TTC17: variants seen among roughly 807,000 people sequenced by gnomAD.
TTC17 encodes tetratricopeptide repeat domain 17.
In TTC17, 58 loss-of-function variants were observed where a neutral mutation model predicts 143.8. That is an observed-to-expected ratio of 0.40 (90% confidence interval 0.33 to 0.50). The LOEUF (loss-of-function observed/expected upper bound fraction) is 0.50, where lower values mean the gene tolerates loss of function less well. TTC17 is among the 20% of genes least tolerant of loss of function. The probability of loss-of-function intolerance (pLI) is 0.49; values close to 1 mark genes in which losing one functional copy is unlikely to be tolerated. For synonymous variants in TTC17, 501 were observed against 497.8 expected (o/e 1.01, Z -0.09); for missense variants, 1,273 against 1,392.5 (o/e 0.91, Z 1.37).
At chr11:43,406,692 A>T (rs1429570616) in intron 13 of TTC17, among the ~76,000 whole-genome samples, 1 of 152,224 alleles carries the variant, frequency 6.6e-6, no homozygotes, top group Admixed American at 6.5e-5. Context: ...ACAAAAAGAT[A>T]AACAGACCAT....
At chr11:43,375,418 G>A (rs758569770) in intron 1 of TTC17, among the ~76,000 whole-genome samples, 9 of 152,074 alleles carry the variant, frequency 5.9e-5, no homozygotes, top group Admixed American at 2.0e-4. Context: ...AAATCTTGGC[G>A]ACTTTGAAGA....
intron 21 of TTC17, among the ~76,000 whole-genome samples, chr11:43,464,270 A>G (rs540324535): frequency 6.7e-6 from 1 of 149,782 alleles, no homozygotes; most frequent in South Asian, 2.1e-4. Flanking sequence ...ATAGAGTGAG[A>G]CTCCATCTCA....
chr11:43,391,003 T>C (rs1041032407), intron 3 of TTC17, among the ~76,000 whole-genome samples: 4 of 152,222 alleles, frequency 2.6e-5, no homozygotes, highest in African/African-American at 9.6e-5. Flanking sequence ...ACTCCCAAAA[T>C]GTTTGACTCT....
chr11:43,389,125 C>G (rs1384069918), intron 2 of TTC17, among the ~76,000 whole-genome samples: 2 of 140,360 alleles, frequency 1.4e-5, no homozygotes, highest in Non-Finnish European at 3.1e-5. Flanking sequence ...TGGGTGACAG[C>G]AAGACACTGT....
intron 1 of TTC17, among the ~76,000 whole-genome samples, chr11:43,364,131 A>C (rs1856237003): frequency 7.4e-6 from 1 of 134,586 alleles, no homozygotes; most frequent in Admixed American, 9.3e-5. Flanking sequence ...ATTCTGGCTC[A>C]CTGCAACCTC....
Position 43,358,964 on chromosome 11 carries a change from G to C in TTC17, c.10G>C (p.Ala4Pro). 1 of 1,575,982 alleles carries C rather than the reference G, an allele frequency of 6.3e-7. No individual in the cohort carries two copies. The highest frequency in any genetic ancestry group is 8.6e-7 in the Non-Finnish European group (1 of 1,162,006). MAA[A>P]VGVRGRYELP... ...CGGCCGGGGGGGCAAGATGGCGGCG[G>C]CAGTAGGGGTTCGTGGCCGGTACGA... Residue 4 changes from alanine (A) to proline (P), a missense_variant, in exon 1 of 24, where the codon GCA (alanine) becomes CCA (proline). Physicochemically the swap from Ala to Pro is conservative, Grantham distance 27. Transcript: ENST00000039989.
At chr11:43,436,396 A>T in intron 16 of TTC17, 1 of 1,217,580 alleles carries the variant, frequency 8.2e-7, no homozygotes. Flanking sequence ...CTTTAAGCTT[A>T]GGCTTTTCTC....
rs555583570 is a variant in TTC17, at chr11:43,371,963, T to C, written c.160-7270T>C. On this transcript the variant is annotated intron_variant, in intron 1 of 23. Transcript: ENST00000039989. ...GCAGCTCACCTGTAGTCCCAGTTAC[T>C]CCGGAGGCTGAGGTGGGAGGATTGC... 5.5e-4 allele frequency among the ~76,000 whole-genome samples: 83 copies of C among 152,260 alleles called. 1 individual carries two copies. In the South Asian group the frequency reaches 6.0e-3, roughly 11 times the overall value.
rs553014159 is a variant in TTC17, at chr11:43,475,257, G to T, written c.3031-14982G>T. On this transcript the variant is annotated intron_variant, in intron 21 of 23. Coordinates refer to ENST00000039989, the MANE Select transcript of TTC17 (RefSeq NM_018259.6). ...TGAATTTCAGATGGGGTTTTTTTTT[G>T]AACTTAAGAGAGATGATTTAGGGTA... 3.5e-4 allele frequency among the ~76,000 whole-genome samples: 53 copies of T among 151,712 alleles called. No homozygotes were observed. In the Middle Eastern group the frequency reaches 0.01, roughly 29 times the overall value.
intron 1 of TTC17, chr11:43,370,216 T>A (rs538942787): frequency 2.6e-6 from 1 of 379,594 alleles, no homozygotes; most frequent in African/African-American, 2.1e-5. Context: ...GATAATTCCA[T>A]GAGAAGTGGA....
chr11:43,451,242 C>T lies in TTC17; in HGVS notation c.3007C>T (p.Arg1003Ter), dbSNP rs748032269. The T allele has an allele frequency of 1.2e-6, 2 of 1,613,450 alleles. No individual in the cohort carries two copies. The highest frequency in any genetic ancestry group is 8.5e-7 in the Non-Finnish European group (1 of 1,179,434). Reference sequence around the variant, plus strand: ...ACAGTCGCTTGAACAGATTGGCACCCGAATTGCCAAAGTTTTGGAAAAGGT... The same window carrying T: ...ACAGTCGCTTGAACAGATTGGCACCTGAATTGCCAAAGTTTTGGAAAAGGT... ...PQQSLEQIGTRIAKVLEKNQT... is the reference protein window; with the variant it reads ...PQQSLEQIGT Residue 1003 changes from arginine to a stop codon, truncating the protein, a stop_gained, in exon 21 of 24, where the codon CGA becomes TGA. Coordinates refer to ENST00000039989, the MANE Select transcript of TTC17 (RefSeq NM_018259.6). LOFTEE classifies it high-confidence loss of function.
intron 16 of TTC17, among the ~76,000 whole-genome samples, chr11:43,416,987 A>G (rs1026091062): frequency 2.6e-5 from 4 of 152,200 alleles, no homozygotes; most frequent in African/African-American, 9.6e-5. Flanking sequence ...AACATTTGCT[A>G]ATACCTAAAT....
At chr11:43,446,860 TA>T (rs1424175365) in intron 18 of TTC17, 1 of 187,184 alleles carries the variant, frequency 5.3e-6, no homozygotes, top group Admixed American at 6.5e-5. Flanking sequence ...AGGATATTAA[TA>T]AACAGAGCTT....
chr11:43,493,183 ACT>A (rs1162200403), intron 23 of TTC17, among the ~76,000 whole-genome samples: 31 of 152,274 alleles, frequency 2.0e-4, no homozygotes, highest in African/African-American at 7.5e-4. Context: ...TTAGAGTGTA[ACT>A]CTAAGTAAAA....
chr11:43,420,917 TA>T (rs901107127), intron 16 of TTC17, among the ~76,000 whole-genome samples: 2 of 152,186 alleles, frequency 1.3e-5, no homozygotes, highest in Non-Finnish European at 2.9e-5. Context: ...ATAGAGGATA[TA>T]ATCTTCTAAA....
intron 10 of TTC17, 71 bp downstream of exon 10, chr11:43,401,629 T>A (rs756830567): frequency 1.9e-6 from 2 of 1,049,366 alleles, no homozygotes; most frequent in South Asian, 3.3e-5. Flanking sequence ...CTTTTGTTTT[T>A]CCTCTTGATT....
rs200852245 is a variant in TTC17 at position 43,448,022 on chromosome 11, C to T, written c.2686C>T (p.Arg896Cys). Residue 896 changes from arginine to cysteine, a missense_variant, in exon 19 of 24, where the codon CGT (arginine) becomes TGT (cysteine). Physicochemically the swap from Arg to Cys is radical, Grantham distance 180 (BLOSUM62 -3). Transcript: ENST00000039989. ...TCCAGGAAAAAAACGTGACTACCAG[C>T]GTCTGGGATGGCCCAGCCCGGACGA... ...GPQGKKRDYQ[R>C]LGWPSPDECL... The T allele has an allele frequency of 9.8e-5, 158 of 1,613,782 alleles. No homozygotes were observed. Among genetic ancestry groups the T allele is most frequent in the Non-Finnish European group, 1.3e-4 (148 of 1,179,924 alleles).
At chr11:43,482,657 C>T (rs967304496) in intron 21 of TTC17, among the ~76,000 whole-genome samples, 9 of 151,994 alleles carry the variant, frequency 5.9e-5, no homozygotes, top group Admixed American at 2.0e-4. Context: ...TTGTCTTCTG[C>T]TTTTGTTAGG....
At position 43,386,357 on chromosome 11, in the gene TTC17, G is replaced by A. The variant is rs1349243273; in HGVS notation, c.250-3295G>A. ...TACTTACACAAACCTAGGTGATAAA[G>A]CCTGTATAACATGTTACTGTACTGA... On this transcript the variant is annotated intron_variant, in intron 2 of 23. Transcript: ENST00000039989. Among the ~76,000 whole-genome samples the A allele has an allele frequency of 2.0e-5, 3 of 152,308 alleles. No homozygotes were observed. In the East Asian group the frequency reaches 5.8e-4, roughly 29 times the overall value.
Sources: allele counts gnomAD v4.1 joint callset (sites outside exome capture counted in the v4.1 genomes callset), GRCh38; gene constraint gnomAD v4.1.1; transcripts MANE v1.5; gene names NCBI Gene and HGNC (gene_info 2026-07-23, HGNC 2026-07-21).